Variants in ENAH observed in about 807,000 individuals in gnomAD.
The protein encoded by ENAH is protein enabled homolog.
ENAH carries 23 observed loss-of-function variants against 78.7 expected under a neutral mutation model. That is an observed-to-expected ratio of 0.29 (90% CI 0.21 to 0.41). ENAH has a LOEUF of 0.41. Among genes scored for constraint, ENAH ranks in the 10% least tolerant of loss-of-function variants. The probability of loss-of-function intolerance (pLI) is 1.00; values close to 1 mark genes in which losing one functional copy is unlikely to be tolerated. For synonymous variants in ENAH, 226 were observed against 241.0 expected (o/e 0.94, Z 0.58); for missense variants, 544 against 691.0 (o/e 0.79, Z 2.39).
chr1:225,515,432 C>G (rs1244913889), intron 6 of ENAH: 1 of 152,312 alleles, frequency 6.6e-6, no homozygotes, highest in African/African-American at 2.4e-5. Context: ...AAAAATACTT[C>G]ACATTTAAAT....
At position 225,496,859 on chromosome 1, in the gene ENAH, G is replaced by A. The variant is rs1389001677; in HGVS notation, c.*916C>T. 1 of 152,372 alleles carries A rather than the reference G, an allele frequency of 6.6e-6. No individual in the cohort carries two copies. Among genetic ancestry groups the A allele is most frequent in the East Asian group, 1.9e-4 (1 of 5,202 alleles). The allele number at this position is 152,372 out of a possible 1,614,324, so 9.4% of individuals were successfully genotyped here. A position where few individuals can be genotyped will look rare whatever the true frequency, so the allele number is the denominator to read the frequency against. On this transcript the variant is annotated 3_prime_UTR_variant, in exon 14 of 14. Coordinates refer to ENST00000366843, the MANE Select transcript of ENAH (RefSeq NM_018212.6). Reference sequence around the variant, plus strand: ...TTTCCCTGGGACTAGGCCTTGAAAAGGCCACTACATATTAGTGTGACATGC... The same window carrying A: ...TTTCCCTGGGACTAGGCCTTGAAAAAGCCACTACATATTAGTGTGACATGC...
Position 225,620,280 on chromosome 1 carries a change from C to T in ENAH, c.5+32406G>A, listed in dbSNP as rs552241040. 2.0e-5 allele frequency among the ~76,000 whole-genome samples: 3 copies of T among 152,144 alleles called. No individual in the cohort carries two copies. In the South Asian group the frequency reaches 6.2e-4, roughly 32 times the overall value. On this transcript the variant is annotated intron_variant, in intron 1 of 13. Transcript: ENST00000366843. ...CGGTGGTTCACACCTGTAATCCCAG[C>T]ACTTTGGGAGGCCGCGGCAGGTAGA...
intron 1 of ENAH, among the ~76,000 whole-genome samples, chr1:225,597,865 A>G (rs974428458): frequency 2.6e-5 from 4 of 152,112 alleles, no homozygotes; most frequent in African/African-American, 9.7e-5. Flanking sequence ...ATCTGAAATC[A>G]ACCTGTTTAA....
intron 2 of ENAH, among the ~76,000 whole-genome samples, chr1:225,563,416 C>T (rs1379356586): frequency 6.6e-6 from 1 of 152,164 alleles, no homozygotes; most frequent in Non-Finnish European, 1.5e-5. Flanking sequence ...AAGATACCTG[C>T]TGTATGCTTC....
intron 4 of ENAH, among the ~76,000 whole-genome samples, chr1:225,527,196 T>C (rs1190083920): frequency 6.6e-6 from 1 of 152,202 alleles, no homozygotes. Flanking sequence ...TGTTTTTCAC[T>C]ACACGTTCCA....
intron 1 of ENAH, among the ~76,000 whole-genome samples, chr1:225,590,198 C>T (rs2096868613): frequency 6.6e-6 from 1 of 151,686 alleles, no homozygotes; most frequent in African/African-American, 2.4e-5. Flanking sequence ...AAGTGCCAAA[C>T]AGGGGCCAGG....
At chr1:225,603,930 C>T (rs1469603071) in intron 1 of ENAH, among the ~76,000 whole-genome samples, 1 of 152,208 alleles carries the variant, frequency 6.6e-6, no homozygotes, top group Non-Finnish European at 1.5e-5. Context: ...GGTGAAATCA[C>T]ACATGTGGTA....
At chr1:225,531,686 G>T (rs983738833) in intron 3 of ENAH, among the ~76,000 whole-genome samples, 1 of 152,010 alleles carries the variant, frequency 6.6e-6, no homozygotes, top group African/African-American at 2.4e-5. Flanking sequence ...AATAAGTTAC[G>T]AAATAAATGC....
At chr1:225,642,093 C>T (rs895650831) in intron 1 of ENAH, among the ~76,000 whole-genome samples, 1 of 151,180 alleles carries the variant, frequency 6.6e-6, no homozygotes, top group African/African-American at 2.4e-5. Flanking sequence ...CCTAGCTACT[C>T]AGGAGACTGA....
chr1:225,557,608 G>A (rs1024942018), intron 2 of ENAH, among the ~76,000 whole-genome samples: 2 of 152,134 alleles, frequency 1.3e-5, no homozygotes, highest in African/African-American at 2.4e-5. Flanking sequence ...ATCACTTGAC[G>A]TCAGGAGTTC....
intron 1 of ENAH, among the ~76,000 whole-genome samples, chr1:225,582,674 G>T (rs2096824935): frequency 2.0e-5 from 3 of 152,220 alleles, no homozygotes. Context: ...ATCTCTGGAT[G>T]ATCCCTGATC....
At position 225,488,910 on chromosome 1, in the gene ENAH, G is replaced by A. The variant is rs1362968371; in HGVS notation, c.*8865C>T. On this transcript the variant is annotated 3_prime_UTR_variant, in exon 14 of 14. Transcript: ENST00000366843. ...TGCCAAGACATTGCTGTTAAACAGA[G>A]TCTTTTGGATTAAAACCAGGGAACT... is the stretch of plus-strand genomic sequence containing the variant. The A allele has an allele frequency of 6.6e-6, 1 of 152,248 alleles. No homozygotes were observed. The highest frequency in any genetic ancestry group is 1.5e-5 in the Non-Finnish European group (1 of 68,056). 9.4% of individuals were successfully genotyped at this position (152,248 alleles called of 1,614,324 possible).
At chr1:225,647,699 A>C (rs542748584) in intron 1 of ENAH, among the ~76,000 whole-genome samples, 84 of 152,320 alleles carry the variant, frequency 5.5e-4, no homozygotes, top group Admixed American at 1.2e-3. Flanking sequence ...TACACCCTAC[A>C]ATATCCAGTA....
At chr1:225,540,491 A>T (rs973149605) in intron 3 of ENAH, among the ~76,000 whole-genome samples, 1 of 152,168 alleles carries the variant, frequency 6.6e-6, no homozygotes, top group Non-Finnish European at 1.5e-5. Flanking sequence ...TGATAACTAC[A>T]GTAACATACT....
chr1:225,511,603 A>G (rs1046342649), intron 10 of ENAH, among the ~76,000 whole-genome samples: 7 of 152,152 alleles, frequency 4.6e-5, no homozygotes, highest in Non-Finnish European at 1.0e-4. Flanking sequence ...GTACATTAAT[A>G]TTTTCCTTGT....
At chr1:225,606,842 C>CA (rs59168194) in intron 1 of ENAH, among the ~76,000 whole-genome samples, 3,866 of 48,714 alleles carry the variant, frequency 0.079, 321 homozygotes, top group East Asian at 0.17. Flanking sequence ...GACTCTGTCT[C>CA]AAAAAAAAAA....
At position 225,550,313 on chromosome 1, in the gene ENAH, C is replaced by T. The variant is rs1165438490; in HGVS notation, c.349+4593G>A. On this transcript the variant is annotated intron_variant, in intron 3 of 13. Transcript: ENST00000366843. ...TCACACTACATTCGCAAGCTGTATC[C>T]TAATTTTGCTGGCCTTGTTTCTGGC... Among the ~76,000 whole-genome samples, 4 of 152,252 alleles carry T rather than the reference C, an allele frequency of 2.6e-5. No individual in the cohort carries two copies. In the East Asian group the frequency reaches 7.7e-4, roughly 29 times the overall value.
chr1:225,489,095 C>T lies in ENAH; in HGVS notation c.*8680G>A, dbSNP rs1281252993. The T allele has an allele frequency of 2.0e-5, 3 of 152,126 alleles. No individual in the cohort carries two copies. In the East Asian group the frequency reaches 5.8e-4, roughly 29 times the overall value. The allele number at this position is 152,126 out of a possible 1,614,324, so 9.4% of individuals were successfully genotyped here. On this transcript the variant is annotated 3_prime_UTR_variant, in exon 14 of 14. Transcript: ENST00000366843. ...ATGATATGAAAACCACTGAATTCTGCCCAGGAATTGAAAGAAGGGCTTCTT... is the reference window on the plus strand; with the variant it reads ...ATGATATGAAAACCACTGAATTCTGTCCAGGAATTGAAAGAAGGGCTTCTT...
chr1:225,551,435 G>A (rs187792053), intron 3 of ENAH, among the ~76,000 whole-genome samples: 2 of 152,170 alleles, frequency 1.3e-5, no homozygotes, highest in East Asian at 1.9e-4. Context: ...ATTTGAGGAC[G>A]TAGGGGACAC....
Sources: gnomAD v4.1 joint callset for allele counts (sites outside exome capture counted in the v4.1 genomes callset) on GRCh38, gnomAD v4.1.1 for gene constraint, MANE v1.5 for transcripts, NCBI Gene and HGNC (gene_info 2026-07-23, HGNC 2026-07-21) for gene names.